ADGRL2: variants seen among roughly 807,000 people sequenced by gnomAD.
ADGRL2 encodes calcium-independent alpha-latrotoxin receptor 2.
A neutral mutation model predicts 157.4 loss-of-function variants in ADGRL2; 44 were observed. The observed-to-expected ratio is 0.28, with a 90% CI of 0.22 to 0.36. ADGRL2 has a LOEUF of 0.36. Ranked by LOEUF, ADGRL2 falls within the 10% of genes least tolerant of loss-of-function variation. ADGRL2 has a pLI of 1.00. For missense variants in ADGRL2, 1,510 were observed against 1,768.9 expected (o/e 0.85, Z 2.63); for synonymous variants, 585 against 624.7 (o/e 0.94, Z 0.95).
At chr1:81,566,109 TCAAA>T (rs887685019) in intron 2 of ADGRL2, among the ~76,000 whole-genome samples, 1 of 152,138 alleles carries the variant, frequency 6.6e-6, no homozygotes, top group Admixed American at 6.6e-5. Flanking sequence ...ATCTATAAAT[TCAAA>T]CAAACAAAAC....
chr1:81,454,993 AAGATCCGTT>A (rs2077774382), intron 2 of ADGRL2, among the ~76,000 whole-genome samples: 1 of 152,232 alleles, frequency 6.6e-6, no homozygotes, highest in Non-Finnish European at 1.5e-5. Flanking sequence ...AGCAAGCCCA[AAGATCCGTT>A]AGATGACCAG....
intron 1 of ADGRL2, among the ~76,000 whole-genome samples, chr1:81,414,604 T>A (rs1195205392): frequency 1.3e-5 from 2 of 152,086 alleles, no homozygotes; most frequent in African/African-American, 2.4e-5. Flanking sequence ...ATACGATAGG[T>A]GGCGCTCTCC....
intron 3 of ADGRL2, among the ~76,000 whole-genome samples, chr1:81,624,985 G>A (rs2081880262): frequency 6.6e-6 from 1 of 152,196 alleles, no homozygotes; most frequent in South Asian, 2.1e-4. Context: ...TCTCTTTGGT[G>A]ATCATGACAA....
At chr1:81,631,158 C>CCT (rs2082003508) in intron 3 of ADGRL2, among the ~76,000 whole-genome samples, 1 of 152,136 alleles carries the variant, frequency 6.6e-6, no homozygotes, top group African/African-American at 2.4e-5. Context: ...GCCCCACCAC[C>CCT]CTCACTACCT....
At chr1:81,550,981 C>T (rs1008176264) in intron 2 of ADGRL2, among the ~76,000 whole-genome samples, 1 of 152,136 alleles carries the variant, frequency 6.6e-6, no homozygotes, top group Non-Finnish European at 1.5e-5. Flanking sequence ...ATGTCATGGG[C>T]TTCAGGAGGG....
At chr1:81,793,009 A>G (rs1309224001) in intron 2 of ADGRL2, among the ~76,000 whole-genome samples, 1 of 152,114 alleles carries the variant, frequency 6.6e-6, no homozygotes, top group African/African-American at 2.4e-5. Context: ...GGTCTTAATC[A>G]GAAGATGTTT....
chr1:81,487,321 C>T (rs1478259739), intron 2 of ADGRL2, among the ~76,000 whole-genome samples: 1 of 151,850 alleles, frequency 6.6e-6, no homozygotes, highest in Non-Finnish European at 1.5e-5. Flanking sequence ...TGAAATTTGA[C>T]ATAATTAATA....
At chr1:81,669,987 G>A (rs1427877281) in intron 3 of ADGRL2, among the ~76,000 whole-genome samples, 1 of 150,738 alleles carries the variant, frequency 6.6e-6, no homozygotes, top group Non-Finnish European at 1.5e-5. Flanking sequence ...AATCTAGGAA[G>A]GCTTCCCATT....
intron 2 of ADGRL2, among the ~76,000 whole-genome samples, chr1:81,490,640 G>A (rs1178184139): frequency 1.3e-5 from 2 of 152,112 alleles, no homozygotes; most frequent in Admixed American, 6.6e-5. Flanking sequence ...TTAAAGAAAT[G>A]TTTTAATAAC....
At chr1:81,767,072 G>T (rs12726534) in intron 2 of ADGRL2, among the ~76,000 whole-genome samples, 9,695 of 151,708 alleles carry the variant, frequency 0.064, 329 homozygotes, top group South Asian at 0.12. Flanking sequence ...TATAATTGTT[G>T]TTTATGTTTT....
intron 3 of ADGRL2, among the ~76,000 whole-genome samples, chr1:81,592,426 C>A (rs1203558598): frequency 6.6e-6 from 1 of 152,170 alleles, no homozygotes; most frequent in Non-Finnish European, 1.5e-5. Flanking sequence ...CTGATCTTAT[C>A]TTAACAATTT....
chr1:81,818,654 A>G (rs1389316164), intron 1 of ADGRL2, among the ~76,000 whole-genome samples: 2 of 152,200 alleles, frequency 1.3e-5, no homozygotes, highest in African/African-American at 2.4e-5. Flanking sequence ...TATTAAGGCC[A>G]TGCCAGGAAA....
intron 2 of ADGRL2, among the ~76,000 whole-genome samples, chr1:81,898,934 A>G (rs1316121753): frequency 2.0e-5 from 3 of 152,118 alleles, no homozygotes; most frequent in Admixed American, 1.3e-4. Flanking sequence ...GTAATAGACT[A>G]TGGCTTGAGT....
intron 2 of ADGRL2, chr1:81,557,081 C>A: frequency 5.5e-6 from 1 of 183,346 alleles, no homozygotes; most frequent in Non-Finnish European, 1.2e-5. Context: ...CTTCACGAAG[C>A]AGCCCACTCT....
intron 11 of ADGRL2, among the ~76,000 whole-genome samples, chr1:81,962,417 A>G (rs1655723709): frequency 2.6e-5 from 4 of 152,112 alleles, no homozygotes. Flanking sequence ...TATATAGTTT[A>G]CAGATACTTA....
At chr1:81,415,423 A>T (rs2077015779) in intron 1 of ADGRL2, among the ~76,000 whole-genome samples, 1 of 152,224 alleles carries the variant, frequency 6.6e-6, no homozygotes, top group Non-Finnish European at 1.5e-5. Context: ...AAAGAAGTTC[A>T]AAAGATTATT....
At chr1:81,606,485 G>T (rs1439893572) in intron 3 of ADGRL2, among the ~76,000 whole-genome samples, 1 of 127,570 alleles carries the variant, frequency 7.8e-6, no homozygotes, top group Non-Finnish European at 1.6e-5. Flanking sequence ...AGATACACAG[G>T]TTCATGCACA....
chr1:81,404,783 C>T (rs960126918), intron 1 of ADGRL2, among the ~76,000 whole-genome samples: 5 of 152,156 alleles, frequency 3.3e-5, no homozygotes, highest in African/African-American at 1.2e-4. Flanking sequence ...TACTCTTCCT[C>T]TTCCATCAAA....
intron 2 of ADGRL2, among the ~76,000 whole-genome samples, chr1:81,499,708 C>CA (rs2078803607): frequency 6.6e-6 from 1 of 152,068 alleles, no homozygotes; most frequent in African/African-American, 2.4e-5. Context: ...TAGCAAGCCC[C>CA]AAAACAAAAG....
Sources: gnomAD v4.1 joint callset for allele counts (sites outside exome capture counted in the v4.1 genomes callset) on GRCh38, gnomAD v4.1.1 for gene constraint, MANE v1.5 for transcripts, NCBI Gene and HGNC (gene_info 2026-07-23, HGNC 2026-07-21) for gene names.